KAZN: variants seen among roughly 807,000 people sequenced by gnomAD.
KAZN encodes the protein kazrin, periplakin interacting protein.
In KAZN, 40 loss-of-function variants were observed where a neutral mutation model predicts 87.4. The observed-to-expected ratio is 0.46, with a 90% confidence interval of 0.36 to 0.60. The LOEUF is 0.60. Among genes scored for constraint, KAZN ranks in the 20% least tolerant of loss-of-function variants. The pLI is 0.00. For missense variants in KAZN, 898 were observed against 1,073.9 expected (o/e 0.84, Z 2.29); for synonymous variants, 466 against 458.3 (o/e 1.02, Z -0.22).
rs1172036111 is a variant in KAZN, at chr1:14,128,661, C to T, written c.92-51774C>T. 4.6e-5 allele frequency among the ~76,000 whole-genome samples: 7 copies of T among 152,086 alleles called. 1 individual carries two copies. Among genetic ancestry groups the T allele is most frequent in the Admixed American group, 3.3e-4 (5 of 15,270 alleles). Reference sequence around the variant, plus strand: ...ATTTTCTCTTGAAAGCCCCTATCTCCAAATCTAGTCACATTATGAGATACT... The same window carrying T: ...ATTTTCTCTTGAAAGCCCCTATCTCTAAATCTAGTCACATTATGAGATACT... On this transcript the variant is annotated intron_variant, in intron 1 of 16. Transcript: ENST00000636203.
rs115006714 is a variant in KAZN at position 15,081,237 on chromosome 1, C to T, written c.1223-12943C>T. Among the ~76,000 whole-genome samples the T allele has an allele frequency of 0.027, 4,155 of 152,320 alleles. 90 individuals carry two copies. The highest frequency in any genetic ancestry group is 0.045 in the Non-Finnish European group (3,081 of 68,024). On this transcript the variant is annotated intron_variant, in intron 8 of 14. Coordinates refer to ENST00000376030, the MANE Select transcript of KAZN (RefSeq NM_201628.3). This position sits in a 1 kb window ranked among gnomAD's most constrained non-coding sequence, Gnocchi z 4.1. ...GCCAGGGCTGGCTCACACAGGCCCA[C>T]GGATGGCTCTCTTCCCAACTCCACG... is the stretch of plus-strand genomic sequence containing the variant.
intron 2 of KAZN, among the ~76,000 whole-genome samples, chr1:14,317,528 GTATT>G (rs1237670566): frequency 1.3e-5 from 2 of 151,918 alleles, no homozygotes; most frequent in African/African-American, 2.4e-5. Context: ...TACATTTGAT[GTATT>G]TATTATATGT....
chr1:14,525,554 A>AT (rs70997156), intron 2 of KAZN, among the ~76,000 whole-genome samples: 80,436 of 151,936 alleles, frequency 0.53, 21,607 homozygotes, highest in South Asian at 0.63. Context: ...GATCCTTTTG[A>AT]TTTTTTCAAC....
At chr1:13,914,467 C>A (rs891347344) in intron 1 of KAZN, among the ~76,000 whole-genome samples, 1 of 152,234 alleles carries the variant, frequency 6.6e-6, no homozygotes, top group Non-Finnish European at 1.5e-5. Context: ...CAGGCAGCAT[C>A]CTGGTGGGTG....
At chr1:14,103,251 G>A (rs1451419019) in intron 1 of KAZN, among the ~76,000 whole-genome samples, 4 of 152,224 alleles carry the variant, frequency 2.6e-5, no homozygotes, top group Admixed American at 2.6e-4. Flanking sequence ...CAGTCTTGTT[G>A]TATTGGGGCC....
At chr1:14,213,391 A>T (rs1294578212) in intron 2 of KAZN, among the ~76,000 whole-genome samples, 3 of 152,206 alleles carry the variant, frequency 2.0e-5, no homozygotes, top group African/African-American at 7.2e-5. Context: ...GGTGTTAGGA[A>T]TGGCAATTTT....
intron 1 of KAZN, among the ~76,000 whole-genome samples, chr1:13,956,301 C>CTTTTTTTCTTTTT (rs1557744553): frequency 2.1e-5 from 2 of 95,624 alleles, no homozygotes; most frequent in South Asian, 5.1e-4. Flanking sequence ...CATTTCTTTT[C>CTTTTTTTCTTTTT]TTTTTTTTCT....
intron 1 of KAZN, among the ~76,000 whole-genome samples, chr1:14,887,477 A>G (rs116156998): frequency 2.4e-3 from 361 of 152,334 alleles, no homozygotes; most frequent in African/African-American, 8.3e-3. Context: ...AGCTGATGGA[A>G]TTCCAGCCCC....
intron 2 of KAZN, among the ~76,000 whole-genome samples, chr1:14,323,693 T>C (rs372154083): frequency 2.6e-5 from 4 of 152,176 alleles, no homozygotes; most frequent in Non-Finnish European, 5.9e-5. Context: ...GAGAATCACA[T>C]TCTTATTTTC....
At chr1:14,342,835 T>C (rs974352672) in intron 2 of KAZN, among the ~76,000 whole-genome samples, 1 of 152,124 alleles carries the variant, frequency 6.6e-6, no homozygotes, top group Non-Finnish European at 1.5e-5. Flanking sequence ...TATAAGCTTG[T>C]GTCCATTAAA....
chr1:14,430,466 C>A (rs906245801), intron 2 of KAZN, among the ~76,000 whole-genome samples: 3 of 152,154 alleles, frequency 2.0e-5, no homozygotes, highest in Non-Finnish European at 4.4e-5. Context: ...ACCACACCAC[C>A]CTGCCCCTGG....
chr1:14,162,735 G>A (rs568652902), intron 1 of KAZN, among the ~76,000 whole-genome samples: 2 of 151,920 alleles, frequency 1.3e-5, no homozygotes, highest in South Asian at 2.1e-4. Context: ...TAGTAGAGAC[G>A]TGGTTTCACC....
chr1:15,101,402 A>T (rs1641063094), intron 10 of KAZN, 141 bp from the exon 11 acceptor site: 3 of 631,886 alleles, frequency 4.7e-6, no homozygotes, highest in Non-Finnish European at 5.6e-6. Flanking sequence ...ATCCCTGTCC[A>T]TGTCTGTCTC....
At chr1:14,655,151 C>T (rs918172202) in intron 1 of KAZN, among the ~76,000 whole-genome samples, 1 of 137,070 alleles carries the variant, frequency 7.3e-6, no homozygotes, top group African/African-American at 2.9e-5. Context: ...TTTGTGAACA[C>T]TCATCTGGCC....
chr1:14,412,480 T>C (rs1310145705), intron 2 of KAZN, among the ~76,000 whole-genome samples: 1 of 152,122 alleles, frequency 6.6e-6, no homozygotes, highest in East Asian at 1.9e-4. Context: ...AAAAATCAAT[T>C]GTATACATTA....
At chr1:14,691,766 C>T (rs891579270) in intron 1 of KAZN, among the ~76,000 whole-genome samples, 2 of 152,130 alleles carry the variant, frequency 1.3e-5, no homozygotes, top group Non-Finnish European at 2.9e-5. Flanking sequence ...TGATTACAGA[C>T]GTAATCCAAA....
chr1:14,009,975 T>C lies in KAZN; in HGVS notation c.91+116219T>C, dbSNP rs142259842. 4.4e-3 allele frequency among the ~76,000 whole-genome samples: 664 copies of C among 152,338 alleles called. 7 individuals carry two copies. Among genetic ancestry groups the C allele is most frequent in the African/African-American group, 0.015 (631 of 41,572 alleles). ...AGAAACACACTCTCTCCCACTCCCC[T>C]GTTTACTTTTGGCAGAAGATGTTGC... On this transcript the variant is annotated intron_variant, in intron 1 of 16. Coordinates refer to the KAZN transcript ENST00000636203.
At chr1:14,381,444 C>T (rs887171686) in intron 2 of KAZN, among the ~76,000 whole-genome samples, 5 of 151,914 alleles carry the variant, frequency 3.3e-5, no homozygotes, top group Middle Eastern at 3.2e-3. Context: ...ACTAGAAAAC[C>T]GACTTCAACA....
At chr1:14,406,102 T>C (rs948989651) in intron 2 of KAZN, among the ~76,000 whole-genome samples, 1 of 152,258 alleles carries the variant, frequency 6.6e-6, no homozygotes. Context: ...AAGAATGTAA[T>C]TGGCTTGTTT....
Sources: allele counts gnomAD v4.1 joint callset (sites outside exome capture counted in the v4.1 genomes callset), GRCh38; gene constraint gnomAD v4.1.1; non-coding constraint Gnocchi (gnomAD v3.1); transcripts MANE v1.5; gene names NCBI Gene and HGNC (gene_info 2026-07-23, HGNC 2026-07-21).